The following BCHE variants were observed in gnomAD, a reference collection of about 807,000 sequenced individuals.
The protein encoded by BCHE is cholinesterase.
In BCHE, 48 loss-of-function variants were observed where a neutral mutation model predicts 51.3. The observed-to-expected ratio is 0.94, with a 90% confidence interval of 0.74 to 1.19. The LOEUF (loss-of-function observed/expected upper bound fraction) is 1.19, where lower values mean the gene tolerates loss of function less well. Ranked by LOEUF, BCHE falls within the 50% of genes most tolerant of loss-of-function variation. BCHE has a pLI of 0.00. For missense variants in BCHE, 847 were observed against 708.2 expected (o/e 1.20, Z -2.23); for synonymous variants, 251 against 238.0 (o/e 1.05, Z -0.50).
intron 2 of BCHE, among the ~76,000 whole-genome samples, chr3:165,816,285 AG>A (rs1714310882): frequency 6.6e-6 from 1 of 151,944 alleles, no homozygotes; most frequent in Non-Finnish European, 1.5e-5. Context: ...GTTTTCTATA[AG>A]GAAAGTAAAT....
At chr3:165,800,593 C>G (rs916387974) in intron 2 of BCHE, among the ~76,000 whole-genome samples, 2 of 152,068 alleles carry the variant, frequency 1.3e-5, no homozygotes, top group Non-Finnish European at 1.5e-5. Flanking sequence ...TACTGCTACT[C>G]TCTCTCTGTA....
chr3:165,830,630 G>T lies in BCHE; in HGVS notation c.404C>A (p.Ala135Asp). The T allele has an allele frequency of 6.2e-7, 1 of 1,613,934 alleles. No homozygotes were observed. Residue 135 changes from alanine to aspartate, a missense_variant, in exon 2 of 4, where the codon GCC (alanine) becomes GAC (aspartate). Ala to Asp is a moderately radical substitution (Grantham distance 126). Coordinates refer to ENST00000264381, the MANE Select transcript of BCHE (RefSeq NM_000055.4). ...VWIPAPKPKN[A>D]TVLIWIYGGG... is the part of the protein sequence containing the mutation. ...ACCATAAATCCATATCAATACAGTG[G>T]CATTTTTTGGTTTAGGTGCTGGAAT...
In BCHE at chr3:165,786,284, G is replaced by T; in HGVS notation, c.1545C>A (p.Ser515Arg). The change falls in exon 3 of 4, where the codon AGC becomes AGA. Residue 515 changes from serine (S) to arginine (R), a missense_variant. Ser to Arg is a moderately radical substitution (Grantham distance 110). Transcript: ENST00000264381. ...TGCTTTTGAAGACAGGCCAGCTTGT[G>T]CTATTGTTCTGAGTCTCATTTGGAT... ...YGNPNETQNN[S>R]TSWPVFKSTE... 6.2e-7 allele frequency: 1 copy of T among 1,611,604 alleles called. No homozygotes were observed.
rs756850483 is a variant in BCHE, at chr3:165,786,172, A to G, written c.1657T>C (p.Phe553Leu). ...RAQQCRFWTS[F>L]FPKVLEMTGN... ...GTCATTTCCAAGACTTTTGGAAAAAATGATGTCCAGAATCGACATTGTTGA... is the reference window on the plus strand; with the variant it reads ...GTCATTTCCAAGACTTTTGGAAAAAGTGATGTCCAGAATCGACATTGTTGA... The change falls in exon 3 of 4, where the codon TTT becomes CTT. Residue 553 changes from phenylalanine (F) to leucine (L), a missense_variant. Phe to Leu is a conservative substitution (Grantham distance 22, BLOSUM62 0). Transcript: ENST00000264381. The G allele has an allele frequency of 2.5e-6, 4 of 1,612,038 alleles. No individual in the cohort carries two copies. The highest frequency in any genetic ancestry group is 2.2e-5 in the South Asian group (2 of 91,050).
rs150023680 is a variant in BCHE at position 165,779,094 on chromosome 3, A to G, written c.1685-5588T>C. 1.2e-4 allele frequency among the ~76,000 whole-genome samples: 19 copies of G among 152,254 alleles called. No homozygotes were observed. In the East Asian group the frequency reaches 3.5e-3, roughly 28 times the overall value. On this transcript the variant is annotated intron_variant, in intron 3 of 3. Coordinates refer to ENST00000264381, the MANE Select transcript of BCHE (RefSeq NM_000055.4). Reference sequence around the variant, plus strand: ...TTGGAGAGGGGATTATACCAGCATTACTCATACTGATTGTAATTTTGACAA... The same window carrying G: ...TTGGAGAGGGGATTATACCAGCATTGCTCATACTGATTGTAATTTTGACAA...
At chr3:165,797,850 T>C (rs1212911853) in intron 2 of BCHE, among the ~76,000 whole-genome samples, 1 of 152,190 alleles carries the variant, frequency 6.6e-6, no homozygotes, top group Non-Finnish European at 1.5e-5. Context: ...TTAAAATAGC[T>C]TGATTTTAAA....
chr3:165,836,932 C>A (rs1715211386), intron 1 of BCHE, among the ~76,000 whole-genome samples: 1 of 151,974 alleles, frequency 6.6e-6, no homozygotes. Context: ...GAAGACTAAT[C>A]AAAGATTACT....
At chr3:165,804,980 A>C (rs1339283977) in intron 2 of BCHE, among the ~76,000 whole-genome samples, 1 of 152,218 alleles carries the variant, frequency 6.6e-6, no homozygotes, top group Non-Finnish European at 1.5e-5. Flanking sequence ...AGATAATTAA[A>C]AATGTTTACA....
chr3:165,813,659 G>GT (rs1304747539), intron 2 of BCHE, among the ~76,000 whole-genome samples: 1 of 151,702 alleles, frequency 6.6e-6, no homozygotes, highest in Non-Finnish European at 1.5e-5. Flanking sequence ...AAAAATAAAC[G>GT]TATGAGTTAA....
chr3:165,793,109 A>G (rs1442636252), intron 2 of BCHE, among the ~76,000 whole-genome samples: 4 of 152,164 alleles, frequency 2.6e-5, no homozygotes, highest in Admixed American at 6.5e-5. Context: ...GCCTACATCA[A>G]TGTTCTAAAG....
intron 2 of BCHE, among the ~76,000 whole-genome samples, chr3:165,812,677 G>A (rs1223339789): frequency 6.6e-6 from 1 of 151,836 alleles, no homozygotes; most frequent in African/African-American, 2.4e-5. Context: ...TTCATTGCCA[G>A]TGGCATAATT....
At chr3:165,819,514 C>T (rs890380394) in intron 2 of BCHE, among the ~76,000 whole-genome samples, 1 of 152,000 alleles carries the variant, frequency 6.6e-6, no homozygotes, top group African/African-American at 2.4e-5. Context: ...GAAGTACATT[C>T]CTTCATAAAT....
chr3:165,796,782 T>G (rs1303936517), intron 2 of BCHE, among the ~76,000 whole-genome samples: 2 of 152,144 alleles, frequency 1.3e-5, no homozygotes, highest in East Asian at 3.9e-4. Context: ...GAAAACAAAT[T>G]GGTTTCCAGT....
intron 2 of BCHE, among the ~76,000 whole-genome samples, chr3:165,799,955 A>G (rs1199375538): frequency 1.3e-5 from 2 of 151,974 alleles, no homozygotes; most frequent in African/African-American, 2.4e-5. Flanking sequence ...TATCCCATCC[A>G]TATTTTCTAC....
chr3:165,777,791 T>G (rs1301011235), intron 3 of BCHE: 1 of 453,402 alleles, frequency 2.2e-6, no homozygotes, highest in Non-Finnish European at 4.5e-6. Context: ...CTCCTACTCC[T>G]CAGCCTACTC....
At chr3:165,837,114 C>T (rs576955627) in intron 1 of BCHE, among the ~76,000 whole-genome samples, 200 bp downstream of exon 1, 1 of 152,214 alleles carries the variant, frequency 6.6e-6, no homozygotes, top group East Asian at 1.9e-4. Context: ...ACAAAGTCTG[C>T]GTTCCCTGAA....
Position 165,837,372 on chromosome 3 carries a change from CG to C in BCHE, c.-68del. 7.8e-7 allele frequency: 1 copy of C among 1,289,724 alleles called. No individual in the cohort carries two copies. The highest frequency in any genetic ancestry group is 1.0e-6 in the Non-Finnish European group (1 of 988,834). The allele number at this position is 1,289,724 out of a possible 1,614,324, so 79.9% of individuals were successfully genotyped here. A position where few individuals can be genotyped will look rare whatever the true frequency, so the allele number is the denominator to read the frequency against. ...AAGGAGTGAAAATCATGTAATACTT[CG>C]GGGAAATGCAGGATGCAGCTGCTGC... On this transcript the variant is annotated 5_prime_UTR_variant, in exon 1 of 4. Transcript: ENST00000264381.
chr3:165,796,506 A>G (rs1384373994), intron 2 of BCHE, among the ~76,000 whole-genome samples: 1 of 152,184 alleles, frequency 6.6e-6, no homozygotes, highest in African/African-American at 2.4e-5. Context: ...TGTTCTGTTC[A>G]AGAAATAAAA....
intron 2 of BCHE, among the ~76,000 whole-genome samples, chr3:165,801,361 T>C (rs1560011396): frequency 6.6e-6 from 1 of 152,194 alleles, no homozygotes; most frequent in Non-Finnish European, 1.5e-5. Flanking sequence ...TTGGAAACAA[T>C]CTCATGACTG....
Sources: allele counts gnomAD v4.1 joint callset (sites outside exome capture counted in the v4.1 genomes callset), GRCh38; gene constraint gnomAD v4.1.1; transcripts MANE v1.5; gene names NCBI Gene and HGNC (gene_info 2026-07-23, HGNC 2026-07-21).